Variants in FRMPD4 observed in about 807,000 individuals in gnomAD.
FRMPD4 encodes the protein FERM and PDZ domain containing 4.
Under a neutral mutation model 94.1 loss-of-function variants are expected in FRMPD4, and 22 were observed. The ratio of observed to expected loss-of-function variants is 0.23; its 90% CI spans 0.17 to 0.33. FRMPD4 has a LOEUF of 0.33. Among genes scored for constraint, FRMPD4 ranks in the 10% least tolerant of loss-of-function variants. FRMPD4 has a pLI of 1.00. For synonymous variants in FRMPD4, 631 were observed against 548.6 expected (o/e 1.15, Z -2.10); for missense variants, 1,111 against 1,339.9 (o/e 0.83, Z 2.67).
intron 7 of FRMPD4, among the ~76,000 whole-genome samples, chrX:12,689,348 A>G (rs2060059388): frequency 8.9e-6 from 1 of 111,775 alleles, no homozygotes; most frequent in Non-Finnish European, 1.9e-5. Flanking sequence ...AAATATATGT[A>G]TATTATTATG....
At chrX:12,153,354 C>A (rs1332314595) in intron 1 of FRMPD4, among the ~76,000 whole-genome samples, 2 of 112,025 alleles carry the variant, frequency 1.8e-5, no homozygotes, top group Non-Finnish European at 3.8e-5. Context: ...CACATTCCAG[C>A]GATGTATTGA....
intron 2 of FRMPD4, among the ~76,000 whole-genome samples, chrX:12,600,277 T>A (rs943980036): frequency 1.8e-5 from 2 of 110,926 alleles, no homozygotes; most frequent in African/African-American, 6.5e-5. Flanking sequence ...AAAGTTTCCA[T>A]CTCCTTTGAT....
In FRMPD4 at chrX:12,462,343, G is replaced by A. The variant is rs552128108; in HGVS notation, c.42-36337G>A. ...ACAAAACAATATAACTCCACTGACC[G>A]TCAAATTTGAACCAGGACATTATTT... is the stretch of plus-strand genomic sequence containing the variant. On this transcript the variant is annotated intron_variant, in intron 1 of 16. Transcript: ENST00000675598. Among the ~76,000 whole-genome samples the A allele has an allele frequency of 8.9e-5, 10 of 112,121 alleles. No individual in the cohort carries two copies. The South Asian group carries it at 1.1e-3, about 13-fold the overall frequency.
At chrX:12,682,954 CA>C (rs1282486464) in intron 5 of FRMPD4, among the ~76,000 whole-genome samples, 1 of 111,975 alleles carries the variant, frequency 8.9e-6, no homozygotes, top group Non-Finnish European at 1.9e-5. Flanking sequence ...GTGCATAAGG[CA>C]TGAGTGCTTG....
intron 14 of FRMPD4, among the ~76,000 whole-genome samples, chrX:12,713,858 T>A (rs2042033042): frequency 8.9e-6 from 1 of 111,918 alleles, no homozygotes; most frequent in South Asian, 3.7e-4. Flanking sequence ...TCACCTCAAA[T>A]TGATCCCAGA....
intron 4 of FRMPD4, among the ~76,000 whole-genome samples, chrX:12,628,730 T>C (rs991021667): frequency 2.7e-5 from 3 of 112,875 alleles, no homozygotes; most frequent in Admixed American, 9.3e-5. Context: ...TGTCCTGTAG[T>C]TCACCCCATT....
intron 1 of FRMPD4, among the ~76,000 whole-genome samples, chrX:11,840,691 T>A (rs2053529682): frequency 9.2e-6 from 1 of 108,989 alleles, no homozygotes; most frequent in Non-Finnish European, 1.9e-5. Flanking sequence ...TTGTGCCCTT[T>A]CTCAGGTAAG....
At chrX:12,008,528 A>G (rs1200204464) in intron 3 of FRMPD4, among the ~76,000 whole-genome samples, 5 of 112,836 alleles carry the variant, frequency 4.4e-5, no homozygotes, top group African/African-American at 1.6e-4. Context: ...CAGGCTGCTC[A>G]AAGTCATCCT....
intron 1 of FRMPD4, among the ~76,000 whole-genome samples, chrX:12,390,151 G>A (rs1392691914): frequency 2.7e-5 from 3 of 112,422 alleles, no homozygotes; most frequent in African/African-American, 9.7e-5. Flanking sequence ...ATAAAGTCAT[G>A]AAGGGAATCA....
chrX:12,584,974 G>T (rs1313292974), intron 2 of FRMPD4, among the ~76,000 whole-genome samples: 1 of 111,457 alleles, frequency 9.0e-6, no homozygotes, highest in African/African-American at 3.3e-5. Context: ...ATGCTGGAGT[G>T]CAGTGGCACT....
chrX:12,492,216 G>A (rs1467351599), intron 1 of FRMPD4, among the ~76,000 whole-genome samples: 1 of 111,878 alleles, frequency 8.9e-6, no homozygotes, highest in African/African-American at 3.2e-5. Flanking sequence ...TCTGTCACTG[G>A]ATTGTTCACA....
intron 3 of FRMPD4, among the ~76,000 whole-genome samples, chrX:12,035,679 G>A (rs1276040451): frequency 9.0e-6 from 1 of 111,206 alleles, no homozygotes; most frequent in Non-Finnish European, 1.9e-5. Flanking sequence ...CATTGGAAAG[G>A]CATTTTATTT....
chrX:12,505,751 G>GT (rs200411055), intron 2 of FRMPD4, among the ~76,000 whole-genome samples: 5 of 89,618 alleles, frequency 5.6e-5, no homozygotes, highest in African/African-American at 1.7e-4. Flanking sequence ...AAAAAAAAAG[G>GT]GGGGGAGAGC....
chrX:12,690,292 T>G lies in FRMPD4; in HGVS notation c.779T>G (p.Leu260Arg). 1 of 1,209,576 alleles carries G rather than the reference T, an allele frequency of 8.3e-7. No individual in the cohort carries two copies. Among genetic ancestry groups the G allele is most frequent in the Non-Finnish European group, 1.1e-6 (1 of 893,545 alleles). The change falls in exon 8 of 17, where the codon CTG becomes CGG. Residue 260 changes from leucine (L) to arginine (R), a missense_variant. This residue lies in a region of FRMPD4 where 37 missense variants were observed against 101.0 expected (regional missense o/e 0.37). Transcript: ENST00000675598. ...EQRTEGAGTKLLLLHEQETLT... is the reference protein window; with the variant it reads ...EQRTEGAGTKRLLLHEQETLT... ...AGGACAGAAGGGGCTGGAACGAAGC[T>G]GCTCTTGCTTCATGAACAGGAGACT...
chrX:12,170,929 G>T (rs1449956360), intron 1 of FRMPD4, among the ~76,000 whole-genome samples: 1 of 113,298 alleles, frequency 8.8e-6, no homozygotes, highest in Admixed American at 9.3e-5. Flanking sequence ...TTCAAAAGAG[G>T]TATGCCTAAT....
chrX:11,977,103 T>A (rs183357145), intron 3 of FRMPD4, among the ~76,000 whole-genome samples: 3 of 112,310 alleles, frequency 2.7e-5, no homozygotes, highest in Admixed American at 9.4e-5. Flanking sequence ...ATGAGTTTTT[T>A]AATAAAAGTT....
intron 14 of FRMPD4, among the ~76,000 whole-genome samples, chrX:12,713,024 G>A (rs2042014176): frequency 9.1e-6 from 1 of 109,759 alleles, no homozygotes; most frequent in Non-Finnish European, 1.9e-5. Context: ...GCTTTAGTGA[G>A]CCAAGCACAC....
At chrX:12,171,575 A>G (rs966605580) in intron 1 of FRMPD4, among the ~76,000 whole-genome samples, 3 of 111,395 alleles carry the variant, frequency 2.7e-5, no homozygotes, top group African/African-American at 9.8e-5. Flanking sequence ...ACTTGGCAAG[A>G]TACTGGAGAT....
chrX:12,288,888 T>G (rs2054642770), intron 1 of FRMPD4, among the ~76,000 whole-genome samples: 1 of 112,331 alleles, frequency 8.9e-6, no homozygotes, highest in African/African-American at 3.2e-5. Flanking sequence ...TTTATTGGAA[T>G]TTGGCTAACT....
Sources: allele counts gnomAD v4.1 joint callset (sites outside exome capture counted in the v4.1 genomes callset), GRCh38; gene constraint gnomAD v4.1.1; regional missense constraint gnomAD v4.1.1; transcripts MANE v1.5; gene names NCBI Gene and HGNC (gene_info 2026-07-23, HGNC 2026-07-21).